The following LGR6 variants were observed in gnomAD, a reference collection of about 807,000 sequenced individuals.
LGR6 encodes leucine rich repeat containing G protein-coupled receptor 6.
LGR6 carries 45 observed loss-of-function variants against 69.4 expected under a neutral mutation model. The observed-to-expected ratio is 0.65, with a 90% CI of 0.51 to 0.83. LGR6 has a LOEUF of 0.83. LGR6 is among the 40% of genes least tolerant of loss of function. The probability of loss-of-function intolerance (pLI) is 0.00; values close to 1 mark genes in which losing one functional copy is unlikely to be tolerated. For missense variants in LGR6, 1,108 were observed against 1,246.7 expected (o/e 0.89, Z 1.68); for synonymous variants, 538 against 555.0 (o/e 0.97, Z 0.43).
intron 1 of LGR6, chr1:202,203,905 T>C (rs369467951): frequency 6.5e-7 from 1 of 1,541,558 alleles, no homozygotes; most frequent in Non-Finnish European, 9.0e-7. Context: ...AAGATCCTCC[T>C]TGGGGGGTGT....
At chr1:202,277,259 C>T (rs564525284) in intron 5 of LGR6, among the ~76,000 whole-genome samples, 5 of 152,162 alleles carry the variant, frequency 3.3e-5, no homozygotes, top group African/African-American at 9.7e-5. Context: ...CCACGCCCCC[C>T]GCTTTTGAAG....
intron 1 of LGR6, among the ~76,000 whole-genome samples, chr1:202,205,109 AAC>A (rs1223707447): frequency 6.3e-4 from 1 of 1,582 alleles, no homozygotes; most frequent in Non-Finnish European, 1.3e-3. Context: ...CCTCCAAACA[AAC>A]ACACACCTAA....
At chr1:202,258,507 T>C (rs1663967036) in intron 4 of LGR6, among the ~76,000 whole-genome samples, 1 of 152,036 alleles carries the variant, frequency 6.6e-6, no homozygotes, top group East Asian at 1.9e-4. Context: ...GTTTTTGTTT[T>C]TTTTCATTAA....
chr1:202,213,721 T>C (rs1238117489), intron 1 of LGR6, among the ~76,000 whole-genome samples: 2 of 152,140 alleles, frequency 1.3e-5, no homozygotes, highest in African/African-American at 4.8e-5. Context: ...CATTATCTTA[T>C]GGGGAATATT....
At chr1:202,304,203 C>T (rs1667810310) in intron 10 of LGR6, among the ~76,000 whole-genome samples, 1 of 152,176 alleles carries the variant, frequency 6.6e-6, no homozygotes, top group African/African-American at 2.4e-5. Context: ...CTCTAAGGTC[C>T]CTACAGCAGA....
chr1:202,312,034 A>G (rs1373856819), intron 16 of LGR6, among the ~76,000 whole-genome samples: 1 of 152,208 alleles, frequency 6.6e-6, no homozygotes, highest in Non-Finnish European at 1.5e-5. Flanking sequence ...AGGGGGCTGG[A>G]AGGAAGAATG....
intron 4 of LGR6, among the ~76,000 whole-genome samples, chr1:202,256,458 G>A (rs12141213): frequency 0.11 from 16,842 of 152,230 alleles, 1,072 homozygotes; most frequent in Middle Eastern, 0.21. Context: ...GGCCAGGCTG[G>A]TCTTGAACTC....
chr1:202,269,386 T>G (rs1228559180), intron 4 of LGR6, among the ~76,000 whole-genome samples: 5 of 152,186 alleles, frequency 3.3e-5, no homozygotes, highest in Admixed American at 3.3e-4. Flanking sequence ...GAAAGCTGGC[T>G]AGGGGCTCCC....
At chr1:202,275,189 A>G (rs538048424) in intron 4 of LGR6, among the ~76,000 whole-genome samples, 50 of 152,254 alleles carry the variant, frequency 3.3e-4, no homozygotes, top group Middle Eastern at 3.4e-3. Flanking sequence ...TGGGGTTTCC[A>G]TGGCTTAAAT....
At chr1:202,310,131 A>G (rs1653598094) in intron 15 of LGR6, 66 bp from the exon 16 acceptor site, 1 of 1,553,502 alleles carries the variant, frequency 6.4e-7, no homozygotes, top group Admixed American at 1.8e-5. Flanking sequence ...GATCTCTTAA[A>G]TCAGACTTAG....
chr1:202,316,274 A>G (rs1654135265), intron 17 of LGR6, among the ~76,000 whole-genome samples: 1 of 152,186 alleles, frequency 6.6e-6, no homozygotes, highest in African/African-American at 2.4e-5. Context: ...AGGCTGCTTC[A>G]ACTTGTGATG....
At chr1:202,309,458 CT>C (rs1450053624) in intron 15 of LGR6, among the ~76,000 whole-genome samples, 2 of 152,210 alleles carry the variant, frequency 1.3e-5, no homozygotes, top group Non-Finnish European at 2.9e-5. Flanking sequence ...TGAAGACCCC[CT>C]AGCCCTCCTT....
chr1:202,203,589 T>C, intron 1 of LGR6: 4 of 550,600 alleles, frequency 7.3e-6, no homozygotes, highest in Non-Finnish European at 1.3e-5. Flanking sequence ...GTGACAAATG[T>C]GGATTGAATG....
chr1:202,227,287 T>G (rs954663943), intron 2 of LGR6, among the ~76,000 whole-genome samples: 1 of 152,204 alleles, frequency 6.6e-6, no homozygotes, highest in African/African-American at 2.4e-5. Context: ...GGCAGTGACT[T>G]CTGAATCATC....
intron 4 of LGR6, among the ~76,000 whole-genome samples, chr1:202,257,747 G>A (rs1361837582): frequency 6.6e-6 from 1 of 152,024 alleles, no homozygotes; most frequent in African/African-American, 2.4e-5. Context: ...TTTGAAATTG[G>A]GAAGGGTGAG....
intron 3 of LGR6, among the ~76,000 whole-genome samples, chr1:202,233,559 A>G (rs1262300353): frequency 6.6e-6 from 1 of 152,162 alleles, no homozygotes; most frequent in Non-Finnish European, 1.5e-5. Flanking sequence ...AGCAGGGCAG[A>G]GGGCAGGAAA....
chr1:202,244,140 G>A (rs973362965), intron 4 of LGR6, among the ~76,000 whole-genome samples: 6 of 151,368 alleles, frequency 4.0e-5, no homozygotes, highest in Admixed American at 3.3e-4. Context: ...TGTATTTTTA[G>A]TAGAGATGGG....
chr1:202,215,134 G>A (rs1439669670), intron 1 of LGR6, among the ~76,000 whole-genome samples: 1 of 148,944 alleles, frequency 6.7e-6, no homozygotes, highest in African/African-American at 2.5e-5. Flanking sequence ...GGTGGTGAGG[G>A]TGGGACTCTG....
chr1:202,285,208 C>T (rs1274183585), intron 6 of LGR6, among the ~76,000 whole-genome samples: 1 of 152,192 alleles, frequency 6.6e-6, no homozygotes, highest in Non-Finnish European at 1.5e-5. Flanking sequence ...GAAAATGTTC[C>T]TCTCTGTGTG....
Sources: gnomAD v4.1 joint callset for allele counts (sites outside exome capture counted in the v4.1 genomes callset) on GRCh38, gnomAD v4.1.1 for gene constraint, MANE v1.5 for transcripts, NCBI Gene and HGNC (gene_info 2026-07-23, HGNC 2026-07-21) for gene names.